HMGCLL1: variants seen among roughly 807,000 people sequenced by gnomAD.
The protein encoded by HMGCLL1 is 3-hydroxy-3-methylglutaryl-CoA lyase like 1.
Under a neutral mutation model 39.1 loss-of-function variants are expected in HMGCLL1, and 36 were observed. The observed-to-expected ratio is 0.92, with a 90% confidence interval of 0.71 to 1.22. The LOEUF (loss-of-function observed/expected upper bound fraction) is 1.22. Ranked by LOEUF, HMGCLL1 falls within the 50% of genes most tolerant of loss-of-function variation. The pLI, the probability that HMGCLL1 is intolerant of heterozygous loss-of-function variation, is 0.00. For missense variants in HMGCLL1, 451 were observed against 416.5 expected (o/e 1.08, Z -0.72); for synonymous variants, 149 against 144.0 (o/e 1.03, Z -0.25).
chr6:55,656,514 C>T, the HMGCLL1 span, among the ~76,000 whole-genome samples: 8 of 151,828 alleles, frequency 5.3e-5, no homozygotes, highest in Admixed American at 1.3e-4. Context: ...ACCTTGTGTA[C>T]GTCCCTCCAC....
intron 8 of HMGCLL1, among the ~76,000 whole-genome samples, chr6:55,437,370 G>C (rs755635184): frequency 4.6e-5 from 7 of 151,824 alleles, no homozygotes; most frequent in Non-Finnish European, 7.4e-5. Flanking sequence ...ATAGAGATAT[G>C]CCCAGGTTAT....
At chr6:55,628,495 G>T in the HMGCLL1 span, among the ~76,000 whole-genome samples, 2 of 151,306 alleles carry the variant, frequency 1.3e-5, no homozygotes, top group South Asian at 4.2e-4. Context: ...GTAGAGATGG[G>T]GTTTTGCCAT....
At chr6:55,439,600 G>GTTGTAAAT (rs1264331918) in intron 7 of HMGCLL1, 41 bp from the exon 8 acceptor site, 1 of 1,591,546 alleles carries the variant, frequency 6.3e-7, no homozygotes, top group East Asian at 2.2e-5. Context: ...GTGTGTTTAT[G>GTTGTAAAT]GCATGTAAAT....
At chr6:55,440,604 C>T (rs1430474869) in intron 7 of HMGCLL1, among the ~76,000 whole-genome samples, 2 of 152,028 alleles carry the variant, frequency 1.3e-5, no homozygotes, top group Non-Finnish European at 2.9e-5. Context: ...TCAGAAGATA[C>T]AGTAAAGCCT....
chr6:55,472,774 G>C (rs1457403257), intron 7 of HMGCLL1, among the ~76,000 whole-genome samples: 1 of 151,350 alleles, frequency 6.6e-6, no homozygotes, highest in Non-Finnish European at 1.5e-5. Flanking sequence ...CAAACTGCTT[G>C]ATAGTGCTGT....
chr6:55,448,339 AATAT>A (rs1763944067), intron 7 of HMGCLL1, among the ~76,000 whole-genome samples: 1 of 149,252 alleles, frequency 6.7e-6, no homozygotes, highest in Admixed American at 6.7e-5. Context: ...TAAATATATA[AATAT>A]ATAAACAGTA....
At chr6:55,576,309 A>G (rs1771757851) in intron 1 of HMGCLL1, among the ~76,000 whole-genome samples, 1 of 152,180 alleles carries the variant, frequency 6.6e-6, no homozygotes, top group Non-Finnish European at 1.5e-5. Context: ...GTAAGCAAAC[A>G]CTGTGGTTCC....
the HMGCLL1 span, among the ~76,000 whole-genome samples, chr6:55,662,955 G>C: frequency 7.9e-5 from 12 of 151,288 alleles, no homozygotes; most frequent in African/African-American, 2.7e-4. Flanking sequence ...ATCTCTTCTA[G>C]GTTTTCTAGT....
intron 1 of HMGCLL1, among the ~76,000 whole-genome samples, chr6:55,545,251 T>G (rs1379689833): frequency 6.6e-6 from 1 of 151,576 alleles, no homozygotes; most frequent in East Asian, 1.9e-4. Flanking sequence ...AGGTACGTAG[T>G]GTTTTTTAAG....
the HMGCLL1 span, among the ~76,000 whole-genome samples, chr6:55,639,064 G>A: frequency 4.6e-5 from 7 of 151,956 alleles, no homozygotes; most frequent in African/African-American, 1.7e-4. Context: ...GTTATAATTA[G>A]TAATAATTGT....
rs532228401 is a variant in HMGCLL1, at chr6:55,479,648, C to T, written c.795+15771G>A. 1.1e-4 allele frequency among the ~76,000 whole-genome samples: 16 copies of T among 151,614 alleles called. No individual in the cohort carries two copies. In the South Asian group the frequency reaches 2.9e-3, roughly 28 times the overall value. ...ACAGTAGGTCAGAACAATGTAGACA[C>T]TCACTTAGAGACATTTAATGATTTC... On this transcript the variant is annotated intron_variant, in intron 7 of 8. Coordinates refer to ENST00000274901, the MANE Select transcript of HMGCLL1 (RefSeq NM_001042406.2).
intron 1 of HMGCLL1, chr6:55,566,568 A>G (rs1771224448): frequency 4.4e-6 from 2 of 455,518 alleles, no homozygotes; most frequent in Non-Finnish European, 8.8e-6. Context: ...AGACATTGCA[A>G]CAGAGAAGCT....
At chr6:55,622,845 T>C in the HMGCLL1 span, among the ~76,000 whole-genome samples, 6 of 152,038 alleles carry the variant, frequency 3.9e-5, no homozygotes, top group African/African-American at 1.4e-4. Flanking sequence ...GAGGTGTTAG[T>C]TCTTTATATG....
At chr6:55,646,161 ATATTCC>A in the HMGCLL1 span, among the ~76,000 whole-genome samples, 1 of 151,846 alleles carries the variant, frequency 6.6e-6, no homozygotes, top group African/African-American at 2.4e-5. Flanking sequence ...TTTCTTCTAG[ATATTCC>A]AACTTATTGG....
chr6:55,473,632 A>T (rs1013102098), intron 7 of HMGCLL1, among the ~76,000 whole-genome samples: 3 of 151,474 alleles, frequency 2.0e-5, no homozygotes. Flanking sequence ...TTATTAATAG[A>T]TGAATTAAGA....
At chr6:55,586,939 T>C in the HMGCLL1 span, among the ~76,000 whole-genome samples, 1,339 of 152,210 alleles carry the variant, frequency 8.8e-3, 27 homozygotes, top group African/African-American at 0.03. Flanking sequence ...TCAAACGGTA[T>C]TTCTAGTTCT....
chr6:55,602,253 A>G, the HMGCLL1 span, among the ~76,000 whole-genome samples: 2 of 152,098 alleles, frequency 1.3e-5, no homozygotes, highest in Non-Finnish European at 2.9e-5. Flanking sequence ...TTGTAGCTTG[A>G]AGACTTTTTT....
At chr6:55,590,577 T>C in the HMGCLL1 span, among the ~76,000 whole-genome samples, 1 of 152,122 alleles carries the variant, frequency 6.6e-6, no homozygotes, top group Admixed American at 6.6e-5. Flanking sequence ...AAAGAGCCTC[T>C]GCACAGCAAA....
chr6:55,485,950 T>C (rs777138526), intron 7 of HMGCLL1, among the ~76,000 whole-genome samples: 74 of 151,430 alleles, frequency 4.9e-4, no homozygotes, highest in Non-Finnish European at 9.3e-4. Flanking sequence ...GAATAAAATA[T>C]TAGAAATAAG....
Sources: allele counts gnomAD v4.1 joint callset (sites outside exome capture counted in the v4.1 genomes callset), GRCh38; gene constraint gnomAD v4.1.1; transcripts MANE v1.5; gene names NCBI Gene and HGNC (gene_info 2026-07-23, HGNC 2026-07-21).